Variants in GRIK4 observed in about 807,000 individuals in gnomAD.
GRIK4 encodes glutamate ionotropic receptor kainate type subunit 4, also known as glutamate receptor ionotropic, kainate 4.
In GRIK4, 40 loss-of-function variants were observed where a neutral mutation model predicts 104.9. The ratio of observed to expected loss-of-function variants is 0.38; its 90% CI spans 0.30 to 0.50. The LOEUF is 0.50. GRIK4 is among the 20% of genes least tolerant of loss of function. The pLI, the probability that GRIK4 is intolerant of heterozygous loss-of-function variation, is 0.93. For synonymous variants in GRIK4, 485 were observed against 524.9 expected (o/e 0.92, Z 1.04); for missense variants, 1,047 against 1,308.1 (o/e 0.80, Z 3.08).
At position 120,612,004 on chromosome 11, in the gene GRIK4, C is replaced by T. The variant is rs1478772353; in HGVS notation, c.-158-41681C>T. The stretch of plus-strand genomic sequence containing the variant: ...AAGTTGGTGACCCCTTACCTCCTTG[C>T]AGGGCCGATTGTAACTTAGGTCCTG... On this transcript the variant is annotated intron_variant, in intron 1 of 20. Coordinates refer to ENST00000527524, the MANE Select transcript of GRIK4 (RefSeq NM_014619.5). 3.9e-5 allele frequency among the ~76,000 whole-genome samples: 6 copies of T among 152,294 alleles called. No individual in the cohort carries two copies. The South Asian group carries it at 1.0e-3, about 26-fold the overall frequency.
At chr11:120,780,977 C>G (rs1034846007) in intron 3 of GRIK4, among the ~76,000 whole-genome samples, 1 of 152,088 alleles carries the variant, frequency 6.6e-6, no homozygotes, top group Non-Finnish European at 1.5e-5. Flanking sequence ...CTCCTGACCT[C>G]GTGATCTGCC....
intron 1 of GRIK4, among the ~76,000 whole-genome samples, chr11:120,530,810 C>T (rs1243516827): frequency 6.6e-6 from 1 of 152,126 alleles, no homozygotes; most frequent in Non-Finnish European, 1.5e-5. Context: ...GGGATTCATT[C>T]AGAGCTGGAT....
chr11:120,830,138 C>T (rs571548707), intron 6 of GRIK4, among the ~76,000 whole-genome samples: 214 of 151,610 alleles, frequency 1.4e-3, no homozygotes, highest in African/African-American at 5.0e-3. Flanking sequence ...CTGTCTCTAT[C>T]AGGCCAGTCC....
intron 3 of GRIK4, among the ~76,000 whole-genome samples, chr11:120,669,209 C>A (rs1352021710): frequency 6.6e-6 from 1 of 152,180 alleles, no homozygotes; most frequent in African/African-American, 2.4e-5. Flanking sequence ...GCACTTACCC[C>A]CCATTTCTGT....
intron 8 of GRIK4, among the ~76,000 whole-genome samples, chr11:120,852,338 G>T (rs551904403): frequency 6.6e-6 from 1 of 152,238 alleles, no homozygotes; most frequent in Non-Finnish European, 1.5e-5. Context: ...ATGGGTGTTT[G>T]CAGGTGAACA....
At chr11:120,573,181 G>A (rs1159239122) in intron 1 of GRIK4, among the ~76,000 whole-genome samples, 1 of 152,178 alleles carries the variant, frequency 6.6e-6, no homozygotes, top group African/African-American at 2.4e-5. Context: ...AAGGACAAGC[G>A]GTCTGCTAGA....
chr11:120,812,639 T>C (rs1952852877), intron 4 of GRIK4, among the ~76,000 whole-genome samples: 1 of 152,208 alleles, frequency 6.6e-6, no homozygotes, highest in Admixed American at 6.5e-5. Flanking sequence ...GGTTTGATAA[T>C]TTGCTCAAGG....
intron 1 of GRIK4, among the ~76,000 whole-genome samples, chr11:120,514,471 G>A (rs1003416080): frequency 1.3e-5 from 2 of 152,160 alleles, no homozygotes; most frequent in East Asian, 1.9e-4. Context: ...TGTTGGGCTC[G>A]TTGCTGTTGC....
chr11:120,775,367 G>T (rs7946326), intron 3 of GRIK4, among the ~76,000 whole-genome samples: 5,610 of 152,258 alleles, frequency 0.037, 272 homozygotes, highest in African/African-American at 0.11. Flanking sequence ...GCTGGGTTGG[G>T]CAGCAAGAGG....
chr11:120,924,541 A>G (rs1395477162), intron 13 of GRIK4, among the ~76,000 whole-genome samples: 1 of 150,592 alleles, frequency 6.6e-6, no homozygotes, highest in Non-Finnish European at 1.5e-5. Context: ...ATCAAGAAAT[A>G]TACCCTTAGC....
chr11:120,948,959 A>G (rs536502181), intron 14 of GRIK4, among the ~76,000 whole-genome samples: 10 of 152,180 alleles, frequency 6.6e-5, no homozygotes, highest in Non-Finnish European at 1.3e-4. Context: ...TGTCTTGTAA[A>G]TGGTGGGGCC....
chr11:120,829,823 G>T (rs746670056), intron 6 of GRIK4, among the ~76,000 whole-genome samples: 5 of 152,172 alleles, frequency 3.3e-5, no homozygotes, highest in African/African-American at 7.2e-5. Context: ...CCAGAGCTTT[G>T]GGATCAGGAT....
chr11:120,930,242 C>A (rs1343084734), intron 13 of GRIK4, among the ~76,000 whole-genome samples: 1 of 152,182 alleles, frequency 6.6e-6, no homozygotes, highest in Non-Finnish European at 1.5e-5. Flanking sequence ...CAAAACAGGG[C>A]TAATGGCAGT....
intron 6 of GRIK4, among the ~76,000 whole-genome samples, chr11:120,821,032 G>A (rs1353612623): frequency 1.3e-5 from 2 of 152,202 alleles, no homozygotes; most frequent in Non-Finnish European, 2.9e-5. Context: ...AGGAAGTTGA[G>A]ACTCTAGGAG....
chr11:120,736,449 A>ATGCACTG (rs1555052037), intron 3 of GRIK4, among the ~76,000 whole-genome samples: 7 of 151,470 alleles, frequency 4.6e-5, no homozygotes, highest in Admixed American at 1.3e-4. Flanking sequence ...TACCTAGGTC[A>ATGCACTG]CTCCAGTCCA....
intron 1 of GRIK4, among the ~76,000 whole-genome samples, chr11:120,546,533 T>G (rs1948086983): frequency 6.6e-6 from 1 of 152,108 alleles, no homozygotes; most frequent in South Asian, 2.1e-4. Flanking sequence ...GAGATCCACC[T>G]AGAGGAAGGG....
At chr11:120,612,161 C>T (rs1048932104) in intron 1 of GRIK4, among the ~76,000 whole-genome samples, 2 of 152,202 alleles carry the variant, frequency 1.3e-5, no homozygotes, top group Non-Finnish European at 2.9e-5. Flanking sequence ...TGATGTATCT[C>T]CTTTGCGATA....
chr11:120,756,101 C>T (rs181090887), intron 3 of GRIK4, among the ~76,000 whole-genome samples: 107 of 152,254 alleles, frequency 7.0e-4, no homozygotes, highest in African/African-American at 2.4e-3. Context: ...GCTATCTGCC[C>T]CAGGATGGTT....
At chr11:120,544,848 A>C (rs2252648) in intron 1 of GRIK4, among the ~76,000 whole-genome samples, 44,158 of 152,028 alleles carry the variant, frequency 0.29, 6,629 homozygotes, top group Admixed American at 0.42. Context: ...CATTGAAGCC[A>C]TATTTGTCCT....
Sources: gnomAD v4.1 joint callset for allele counts (sites outside exome capture counted in the v4.1 genomes callset) on GRCh38, gnomAD v4.1.1 for gene constraint, MANE v1.5 for transcripts, NCBI Gene and HGNC (gene_info 2026-07-23, HGNC 2026-07-21) for gene names.